The following CACNA1G variants were observed in gnomAD, a reference collection of about 807,000 sequenced individuals.
CACNA1G encodes the protein calcium voltage-gated channel subunit alpha1 G.
A neutral mutation model predicts 219.4 loss-of-function variants in CACNA1G; 67 were observed. The ratio of observed to expected loss-of-function variants is 0.31; its 90% CI spans 0.25 to 0.37. The LOEUF is 0.37. Ranked by LOEUF, CACNA1G falls within the 10% of genes least tolerant of loss-of-function variation. The pLI is 1.00. For missense variants in CACNA1G, 2,380 were observed against 3,231.4 expected, an observed-to-expected ratio of 0.74 and a Z score of 6.39; for synonymous variants, 1,296 against 1,345.3, an observed-to-expected ratio of 0.96 and a Z score of 0.80.
chr17:50,588,186 T>C (rs1598329627), intron 9 of CACNA1G, among the ~76,000 whole-genome samples: 1 of 152,186 alleles, frequency 6.6e-6, no homozygotes. Flanking sequence ...ACTCTGTTGA[T>C]TTGAATATAA....
rs1247651792 is a variant in CACNA1G at position 50,600,786 on chromosome 17, C to A, written c.3751C>A (p.Arg1251=). ...RARLPACCLE[R]DSWSAYIFPP... is the part of the protein sequence containing the mutation. ...CCGACTCCCTGCCTGCTGCCTCGAG[C>A]GAGACTCCTGGTCAGCCTACATCTT... is the stretch of plus-strand genomic sequence containing the variant. The change falls in exon 18 of 38, where the codon CGA becomes AGA. Residue 1251 remains arginine (R), a synonymous_variant. Coordinates refer to ENST00000359106, the MANE Select transcript of CACNA1G (RefSeq NM_018896.5). The surrounding 1 kb of genome is among the most constrained non-coding windows in gnomAD (Gnocchi z 4.1). 1 of 1,613,838 alleles carries A rather than the reference C, an allele frequency of 6.2e-7. No individual in the cohort carries two copies. Among genetic ancestry groups the A allele is most frequent in the Non-Finnish European group, 8.5e-7 (1 of 1,179,832 alleles).
intron 27 of CACNA1G, among the ~76,000 whole-genome samples, chr17:50,615,836 C>T (rs1362741953): frequency 1.3e-5 from 2 of 152,236 alleles, no homozygotes; most frequent in Admixed American, 1.3e-4. Flanking sequence ...GATGCCTGCC[C>T]TTCTGGAGTT....
Position 50,599,587 on chromosome 17 carries a change from C to G in CACNA1G, c.3418C>G (p.Gln1140Glu), listed in dbSNP as rs1204264627. The change falls in exon 17 of 38, where the codon CAG (glutamine) becomes GAG (glutamate). Residue 1140 changes from glutamine to glutamate, a missense_variant. Transcript: ENST00000359106. ...GTTGTCGGGAGAAGGCCAGGAGAGC[C>G]AGGATGAAGAGGAGAGCTCAGAAGA... ...SLLSGEGQES[Q>E]DEEESSEEER... 6.2e-7 allele frequency: 1 copy of G among 1,613,080 alleles called. No individual in the cohort carries two copies. The highest frequency in any genetic ancestry group is 8.5e-7 in the Non-Finnish European group (1 of 1,179,608).
intron 3 of CACNA1G, 108 bp from the exon 4 acceptor site, chr17:50,569,598 G>A (rs1412047747): frequency 2.1e-5 from 16 of 776,422 alleles, no homozygotes; most frequent in Middle Eastern, 2.3e-4. Flanking sequence ...GAAGAAGAAG[G>A]AGTCAGAGGT....
chr17:50,600,623 G>A lies in CACNA1G; in HGVS notation c.3691-103G>A. The A allele has an allele frequency of 1.1e-6, 1 of 930,188 alleles. No homozygotes were observed. Among genetic ancestry groups the A allele is most frequent in the Non-Finnish European group, 1.7e-6 (1 of 579,156 alleles). The allele number at this position is 930,188 out of a possible 1,614,324, so 57.6% of individuals were successfully genotyped here. On this transcript the variant is annotated intron_variant, in intron 17 of 37. Coordinates refer to ENST00000359106, the MANE Select transcript of CACNA1G (RefSeq NM_018896.5). The surrounding 1 kb of genome is among the most constrained non-coding windows in gnomAD (Gnocchi z 4.1). ...CAGGGCAGAGCTTGGGCCCCAGGTGGGAGAGGGTAGACAAGGAGTGAGGCT... is the reference window on the plus strand; with the variant it reads ...CAGGGCAGAGCTTGGGCCCCAGGTGAGAGAGGGTAGACAAGGAGTGAGGCT...
chr17:50,606,138 C>A, intron 23 of CACNA1G, 115 bp downstream of exon 23: 1 of 1,363,792 alleles, frequency 7.3e-7, no homozygotes, highest in Non-Finnish European at 1.1e-6. Context: ...AGAGATCAGC[C>A]CTTCACACCC....
rs1236900827 is a variant in CACNA1G, at chr17:50,596,388, A to C, written c.2980-174A>C. ...AGGCAGAGGTGGTGGGGCCCTGGGA[A>C]GCCTCGGGCCCCAAGCCTGGGGGGT... On this transcript the variant is annotated intron_variant, in intron 14 of 37. Coordinates refer to ENST00000359106, the MANE Select transcript of CACNA1G (RefSeq NM_018896.5). This position sits in a 1 kb window ranked among gnomAD's most constrained non-coding sequence, Gnocchi z 4.8. 6.6e-6 allele frequency among the ~76,000 whole-genome samples: 1 copy of C among 152,030 alleles called. No homozygotes were observed. Among genetic ancestry groups the C allele is most frequent in the Non-Finnish European group, 1.5e-5 (1 of 68,008 alleles).
intron 19 of CACNA1G, 90 bp downstream of exon 19, chr17:50,601,264 C>T (rs886928902): frequency 4.1e-5 from 62 of 1,496,944 alleles, no homozygotes; most frequent in South Asian, 1.2e-5. Context: ...AGTTGCTGAC[C>T]TGCAAGTCAC....
chr17:50,610,465 G>A (rs1026127891), intron 26 of CACNA1G, among the ~76,000 whole-genome samples: 6 of 152,174 alleles, frequency 3.9e-5, no homozygotes, highest in African/African-American at 7.2e-5. Flanking sequence ...AGTTGGCCAC[G>A]AGCTTCTTCC....
intron 9 of CACNA1G, among the ~76,000 whole-genome samples, chr17:50,587,685 C>CT (rs1568045299): frequency 6.6e-6 from 1 of 152,274 alleles, no homozygotes; most frequent in Non-Finnish European, 1.5e-5. Flanking sequence ...CGCCAGGCCC[C>CT]TTTCCACCTG....
At chr17:50,574,093 GC>G (rs1227590971) in intron 7 of CACNA1G, among the ~76,000 whole-genome samples, 1 of 152,172 alleles carries the variant, frequency 6.6e-6, no homozygotes, top group Non-Finnish European at 1.5e-5. Flanking sequence ...AGGTGCCAGG[GC>G]AGGGATTGTG....
At position 50,591,984 on chromosome 17, in the gene CACNA1G, C is replaced by T; in HGVS notation, c.2802C>T (p.Ala934=). The T allele has an allele frequency of 6.2e-7, 1 of 1,614,010 alleles. No homozygotes were observed. The highest frequency in any genetic ancestry group is 8.5e-7 in the Non-Finnish European group (1 of 1,179,868). ...ACAAAGTCCTCTACAATGGTATGGC[C>T]TCCACGTCGTCCTGGGCGGCCCTTT... ...DWNKVLYNGM[A]STSSWAALYF... The change falls in exon 13 of 38, where the codon GCC becomes GCT. Residue 934 remains alanine (A), a synonymous_variant. Coordinates refer to ENST00000359106, the MANE Select transcript of CACNA1G (RefSeq NM_018896.5).
intron 13 of CACNA1G, among the ~76,000 whole-genome samples, chr17:50,593,477 C>T (rs989868723): frequency 9.9e-5 from 15 of 152,250 alleles, no homozygotes; most frequent in Non-Finnish European, 1.8e-4. Flanking sequence ...ACAGATGGCC[C>T]CCTCCCCAGC....
Position 50,560,970 on chromosome 17 carries a change from C to T in CACNA1G, c.-490C>T, listed in dbSNP as rs2035438009. The T allele has an allele frequency of 7.4e-6, 2 of 269,678 alleles. No individual in the cohort carries two copies. The highest frequency in any genetic ancestry group is 1.5e-5 in the Non-Finnish European group (2 of 137,688). The allele number at this position is 269,678 out of a possible 1,614,324, so 16.7% of individuals were successfully genotyped here. ...CCCACCCCTAAAGAGATCCCTCCTC[C>T]CCTCCCCCGCCGCCTGGCGCGGAGC... On this transcript the variant is annotated 5_prime_UTR_variant, in exon 1 of 38. Coordinates refer to ENST00000359106, the MANE Select transcript of CACNA1G (RefSeq NM_018896.5).
chr17:50,571,421 T>C lies in CACNA1G; in HGVS notation c.587-457T>C, dbSNP rs577113359. On this transcript the variant is annotated intron_variant, in intron 4 of 37. Coordinates refer to ENST00000359106, the MANE Select transcript of CACNA1G (RefSeq NM_018896.5). The surrounding 1 kb of genome is among the most constrained non-coding windows in gnomAD (Gnocchi z 4.3). ...GAGAGAAGGAAGTAGGTAGGGAGTG[T>C]GCGTGTGAATGTGTGCGGGTGTGGG... Among the ~76,000 whole-genome samples the C allele has an allele frequency of 6.6e-6, 1 of 152,202 alleles. No homozygotes were observed. Among genetic ancestry groups the C allele is most frequent in the South Asian group, 2.1e-4 (1 of 4,822 alleles).
At chr17:50,602,924 T>C in intron 20 of CACNA1G, 36 bp downstream of exon 20, 1 of 1,594,492 alleles carries the variant, frequency 6.3e-7, no homozygotes, top group Non-Finnish European at 8.6e-7. Flanking sequence ...GACCTCTGGT[T>C]CCTGGTGGGG....
At chr17:50,573,235 GA>G in intron 7 of CACNA1G, 122 bp downstream of exon 7, 1 of 699,782 alleles carries the variant, frequency 1.4e-6, no homozygotes, top group Non-Finnish European at 2.5e-6. Context: ...GTCCTGTAGA[GA>G]GGGCATCCAT....
chr17:50,589,308 G>A (rs1224159696), intron 9 of CACNA1G, among the ~76,000 whole-genome samples: 1 of 152,042 alleles, frequency 6.6e-6, no homozygotes, highest in Non-Finnish European at 1.5e-5. Context: ...AGGCATTCAA[G>A]TGCTGCCTCT....
rs111481754 is a variant in CACNA1G, at chr17:50,611,270, A to G, written c.4759+1335A>G. Among the ~76,000 whole-genome samples the G allele has an allele frequency of 7.0e-3, 1,003 of 143,496 alleles. 17 individuals carry two copies. In the East Asian group the frequency reaches 0.07, roughly 10 times the overall value. The allele number at this position is 143,496 out of a possible 152,430, so 94.1% of individuals were successfully genotyped here. A position where few individuals can be genotyped will look rare whatever the true frequency, so the allele number is the denominator to read the frequency against. Reference sequence around the variant, plus strand: ...CTCCATTTAAAAAAAAAAAAAAAAAAAGAGAGAGAGAGAGTGAGAACATAA... The same window carrying G: ...CTCCATTTAAAAAAAAAAAAAAAAAGAGAGAGAGAGAGAGTGAGAACATAA... On this transcript the variant is annotated intron_variant, in intron 26 of 37. Transcript: ENST00000359106.
Sources: gnomAD v4.1 joint callset for allele counts (sites outside exome capture counted in the v4.1 genomes callset) on GRCh38, gnomAD v4.1.1 for gene constraint, Gnocchi (gnomAD v3.1) non-coding constraint, MANE v1.5 for transcripts, NCBI Gene and HGNC (gene_info 2026-07-23, HGNC 2026-07-21) for gene names.